The following CHD6 variants were observed in gnomAD, a reference collection of about 807,000 sequenced individuals.
CHD6 encodes the protein ATP-dependent chromatin remodeler CHD6.
In CHD6, 50 loss-of-function variants were observed where a neutral mutation model predicts 276.9. The ratio of observed to expected loss-of-function variants is 0.18; its 90% CI spans 0.14 to 0.23. The LOEUF (loss-of-function observed/expected upper bound fraction) is 0.23, where lower values mean the gene tolerates loss of function less well. CHD6 is among the 10% of genes least tolerant of loss of function. The pLI is 1.00. For missense variants in CHD6, 2,564 were observed against 3,365.8 expected (o/e 0.76, Z 5.89); for synonymous variants, 1,173 against 1,229.3 (o/e 0.95, Z 0.96).
At chr20:41,476,201 A>G (rs2043163997) in intron 16 of CHD6, among the ~76,000 whole-genome samples, 1 of 152,108 alleles carries the variant, frequency 6.6e-6, no homozygotes, top group Non-Finnish European at 1.5e-5. Context: ...AGACATCATA[A>G]AATTTTCCAC....
intron 1 of CHD6, among the ~76,000 whole-genome samples, chr20:41,580,645 C>CAAAAAAA (rs373733112): frequency 0.011 from 738 of 68,238 alleles, 18 homozygotes; most frequent in African/African-American, 0.03. Context: ...AACCCAGTCT[C>CAAAAAAA]AAAAAAAAAA....
chr20:41,533,033 G>A lies in CHD6; in HGVS notation c.554+17C>T, dbSNP rs754614532. On this transcript the variant is annotated intron_variant, in intron 3 of 36. Coordinates refer to ENST00000373233, the MANE Select transcript of CHD6 (RefSeq NM_032221.5). Reference sequence around the variant, plus strand: ...CTGGCATAGGCAAGTGCTCAGAGAAGGGAGAAAGGAACGTACCTGGCCTTC... The same window carrying A: ...CTGGCATAGGCAAGTGCTCAGAGAAAGGAGAAAGGAACGTACCTGGCCTTC... The A allele has an allele frequency of 6.4e-7, 1 of 1,563,618 alleles. No individual in the cohort carries two copies. Among genetic ancestry groups the A allele is most frequent in the Admixed American group, 2.0e-5 (1 of 48,980 alleles).
At chr20:41,501,596 C>T (rs1170172677) in intron 5 of CHD6, among the ~76,000 whole-genome samples, 3 of 152,128 alleles carry the variant, frequency 2.0e-5, no homozygotes, top group Admixed American at 2.0e-4. Flanking sequence ...TTTTGTATTA[C>T]ACAAGAAATC....
chr20:41,512,134 AT>A (rs11429306), intron 5 of CHD6, among the ~76,000 whole-genome samples: 27 of 147,728 alleles, frequency 1.8e-4, no homozygotes, highest in East Asian at 6.0e-4. Context: ...TGCCCAGCTA[AT>A]TTTTTTTTTT....
At chr20:41,440,226 C>G in intron 25 of CHD6, 97 bp from the exon 26 acceptor site, 1 of 1,062,556 alleles carries the variant, frequency 9.4e-7, no homozygotes, top group Non-Finnish European at 1.4e-6. Flanking sequence ...TAGTAAAGAA[C>G]AAAACAAACA....
At chr20:41,416,567 A>C in intron 33 of CHD6, 21 bp downstream of exon 33, 1 of 1,593,620 alleles carries the variant, frequency 6.3e-7, no homozygotes, top group East Asian at 2.2e-5. Context: ...TTTTGTGGTC[A>C]CTCCATTCTT....
intron 17 of CHD6, among the ~76,000 whole-genome samples, chr20:41,467,105 T>A (rs2042938325): frequency 6.6e-6 from 1 of 152,082 alleles, no homozygotes. Context: ...ACTTGTTAAC[T>A]GAGAAAAATA....
chr20:41,594,956 T>C (rs2045703163), intron 1 of CHD6, among the ~76,000 whole-genome samples: 1 of 152,248 alleles, frequency 6.6e-6, no homozygotes, highest in Admixed American at 6.5e-5. Flanking sequence ...TAAATGTGTC[T>C]TGCTGAGAAA....
Position 41,512,860 on chromosome 20 carries a change from C to G in CHD6, c.838G>C (p.Ala280Pro). The change falls in exon 5 of 37, where the codon GCC (alanine) becomes CCC (proline). Residue 280 changes from alanine (A) to proline (P), a missense_variant. Ala to Pro is a conservative substitution (Grantham distance 27). Transcript: ENST00000373233. Reference protein sequence around the residue: ...RTSALSASTLAWQAEEPPEDD... With the variant: ...RTSALSASTLPWQAEEPPEDD... The stretch of plus-strand genomic sequence containing the variant: ...AAAGGCCATACCTCCGCCTGCCAGG[C>G]CAGTGTAGAGGCTGAGAGTGCAGAT... 1 of 1,614,052 alleles carries G rather than the reference C, an allele frequency of 6.2e-7. No homozygotes were observed. The highest frequency in any genetic ancestry group is 1.1e-5 in the South Asian group (1 of 91,068).
intron 36 of CHD6, among the ~76,000 whole-genome samples, chr20:41,407,897 CA>C (rs1262714212): frequency 3.3e-5 from 5 of 152,172 alleles, no homozygotes; most frequent in Non-Finnish European, 7.3e-5. Flanking sequence ...AGCATCTCAA[CA>C]AATCAGTGAA....
At chr20:41,510,425 C>T (rs2044090689) in intron 5 of CHD6, among the ~76,000 whole-genome samples, 1 of 152,240 alleles carries the variant, frequency 6.6e-6, no homozygotes, top group African/African-American at 2.4e-5. Flanking sequence ...GCCTGCCCTG[C>T]ATGCTAGGCC....
chr20:41,584,416 C>T (rs1407086090), intron 1 of CHD6, among the ~76,000 whole-genome samples: 2 of 152,122 alleles, frequency 1.3e-5, no homozygotes, highest in Non-Finnish European at 2.9e-5. Flanking sequence ...TTCTGGTAAT[C>T]CATAGTGTGT....
intron 1 of CHD6, among the ~76,000 whole-genome samples, chr20:41,555,876 G>C (rs993994511): frequency 6.0e-5 from 9 of 150,730 alleles, no homozygotes; most frequent in Non-Finnish European, 1.0e-4. Context: ...CTGCAATCTC[G>C]GTACTTTGGG....
chr20:41,435,803 C>G (rs1052348590), intron 27 of CHD6, among the ~76,000 whole-genome samples: 1 of 151,946 alleles, frequency 6.6e-6, no homozygotes, highest in East Asian at 1.9e-4. Context: ...AAAGCAAAAA[C>G]AATTTTGAAA....
Position 41,404,155 on chromosome 20 carries a change from G to C in CHD6, c.*438C>G. The C allele has an allele frequency of 2.8e-6, 3 of 1,060,490 alleles. No homozygotes were observed. The highest frequency in any genetic ancestry group is 9.1e-5 in the South Asian group (2 of 21,912). The allele number at this position is 1,060,490 out of a possible 1,614,324, so 65.7% of individuals were successfully genotyped here. On this transcript the variant is annotated 3_prime_UTR_variant, in exon 37 of 37. Transcript: ENST00000373233. ...AGCACTTCCTTTTTCTGTGCTTTTTGGTTCCCTGTGACATTCTTCCTGTGC... is the reference window on the plus strand; with the variant it reads ...AGCACTTCCTTTTTCTGTGCTTTTTCGTTCCCTGTGACATTCTTCCTGTGC...
intron 3 of CHD6, among the ~76,000 whole-genome samples, chr20:41,524,755 C>T (rs2044487300): frequency 6.6e-6 from 1 of 152,162 alleles, no homozygotes; most frequent in South Asian, 2.1e-4. Flanking sequence ...TGTCCCTACT[C>T]AGTATTTTCG....
At position 41,452,570 on chromosome 20, in the gene CHD6, CTG is replaced by C. The variant is rs1268823078; in HGVS notation, c.3323+168_3323+169del. ...ATTGTGGTTGCGGAGCATACGGTGA[CTG>C]AGACGGATTCTGGGCAGAAGGCACA... On this transcript the variant is annotated intron_variant, in intron 21 of 36. Coordinates refer to ENST00000373233, the MANE Select transcript of CHD6 (RefSeq NM_032221.5). This position sits in a 1 kb window ranked among gnomAD's most constrained non-coding sequence, Gnocchi z 4.2. 2.0e-5 allele frequency among the ~76,000 whole-genome samples: 3 copies of C among 152,164 alleles called. No homozygotes were observed. Among genetic ancestry groups the C allele is most frequent in the African/African-American group, 7.2e-5 (3 of 41,440 alleles).
At chr20:41,405,840 T>A (rs1016952750) in intron 36 of CHD6, among the ~76,000 whole-genome samples, 1 of 152,138 alleles carries the variant, frequency 6.6e-6, no homozygotes, top group African/African-American at 2.4e-5. Context: ...TGGTTCTCGG[T>A]GAGACTGTTA....
chr20:41,559,047 A>G (rs2045272200), intron 1 of CHD6, among the ~76,000 whole-genome samples: 1 of 152,152 alleles, frequency 6.6e-6, no homozygotes, highest in Non-Finnish European at 1.5e-5. Flanking sequence ...ATTTCATTAC[A>G]ATGTTGATGA....
Sources: allele counts gnomAD v4.1 joint callset (sites outside exome capture counted in the v4.1 genomes callset), GRCh38; gene constraint gnomAD v4.1.1; non-coding constraint Gnocchi (gnomAD v3.1); transcripts MANE v1.5; gene names NCBI Gene and HGNC (gene_info 2026-07-23, HGNC 2026-07-21).